RTF1: variants seen among roughly 807,000 people sequenced by gnomAD.
The protein encoded by RTF1 is RTF1 homolog, Paf1/RNA polymerase II complex component, also known as RNA polymerase-associated protein RTF1 homolog.
In RTF1, 10 loss-of-function variants were observed where a neutral mutation model predicts 95.7. The ratio of observed to expected loss-of-function variants is 0.10; its 90% CI spans 0.06 to 0.18. The LOEUF (loss-of-function observed/expected upper bound fraction) is 0.18. RTF1 is among the 10% of genes least tolerant of loss of function. RTF1 has a pLI of 1.00. For synonymous variants in RTF1, 305 were observed against 311.8 expected, an observed-to-expected ratio of 0.98 and a Z score of 0.23; for missense variants, 458 against 875.6, an observed-to-expected ratio of 0.52 and a Z score of 6.02.
At position 41,417,233 on chromosome 15, in the gene RTF1, A is replaced by C; in HGVS notation, c.118A>C (p.Thr40Pro). Reference sequence around the variant, plus strand: ...CGGCCGGCGTGGGAGCCGGGGGACCACCATGGTAAAGAAGCGGAAAGGCCG... The same window carrying C: ...CGGCCGGCGTGGGAGCCGGGGGACCCCCATGGTAAAGAAGCGGAAAGGCCG... ...GGGRRGSRGT[T>P]MVKKRKGRVV... Residue 40 changes from threonine (T) to proline (P), a missense_variant, in exon 1 of 18, where the codon ACC (threonine) becomes CCC (proline). Around this residue, in one of 11 missense-constraint regions of RTF1, gnomAD observed 81 missense variants for 59.9 expected, o/e 1.35. Transcript: ENST00000389629. The C allele has an allele frequency of 8.0e-7, 1 of 1,255,360 alleles. No homozygotes were observed. 77.8% of individuals were successfully genotyped at this position (1,255,360 alleles called of 1,614,324 possible). A position where few individuals can be genotyped will look rare whatever the true frequency, so the allele number is the denominator to read the frequency against.
At chr15:41,477,104 A>G in intron 12 of RTF1, 61 bp from the exon 13 acceptor site, 3 of 1,608,968 alleles carry the variant, frequency 1.9e-6, no homozygotes, top group Non-Finnish European at 2.6e-6. Flanking sequence ...GTAAGGGGAT[A>G]CTTGATATGG....
chr15:41,433,507 G>A (rs777913762), intron 1 of RTF1, among the ~76,000 whole-genome samples: 4 of 151,584 alleles, frequency 2.6e-5, no homozygotes, highest in Non-Finnish European at 5.9e-5. Flanking sequence ...GCTGATTTTT[G>A]TATTTTTAGC....
chr15:41,474,507 T>C, intron 8 of RTF1, 113 bp from the exon 9 acceptor site: 1 of 782,510 alleles, frequency 1.3e-6, no homozygotes, highest in Non-Finnish European at 2.3e-6. Context: ...CTGTGGACTC[T>C]ACTCAGCACT....
At chr15:41,451,376 T>A (rs1757468) in intron 2 of RTF1, among the ~76,000 whole-genome samples, 33,573 of 152,130 alleles carry the variant, frequency 0.22, 4,015 homozygotes, top group Non-Finnish European at 0.26. Context: ...TATGGTTTAA[T>A]GTAACTAAAT....
intron 1 of RTF1, among the ~76,000 whole-genome samples, chr15:41,432,113 A>G (rs2050677991): frequency 6.8e-6 from 1 of 148,072 alleles, no homozygotes; most frequent in African/African-American, 2.5e-5. Flanking sequence ...TATTGTTAAT[A>G]TGGTATTTAA....
At chr15:41,474,151 A>G (rs1869239618) in intron 8 of RTF1, among the ~76,000 whole-genome samples, 1 of 152,098 alleles carries the variant, frequency 6.6e-6, no homozygotes, top group Non-Finnish European at 1.5e-5. Context: ...TGCTGGAATT[A>G]CAGGCCTGAA....
At chr15:41,419,945 G>GT (rs1419985037) in intron 1 of RTF1, among the ~76,000 whole-genome samples, 7 of 151,978 alleles carry the variant, frequency 4.6e-5, no homozygotes, top group Admixed American at 4.6e-4. Flanking sequence ...TCAGCCTCCC[G>GT]TGTAGCTGGG....
In RTF1 at chr15:41,478,055, G is replaced by A. The variant is rs1223209985; in HGVS notation, c.1741-493G>A. 9.2e-5 allele frequency among the ~76,000 whole-genome samples: 14 copies of A among 151,798 alleles called. 1 individual carries two copies. The highest frequency in any genetic ancestry group is 9.2e-4 in the Admixed American group (14 of 15,202). On this transcript the variant is annotated intron_variant, in intron 14 of 17. Coordinates refer to ENST00000389629, the MANE Select transcript of RTF1 (RefSeq NM_015138.5). ...TGGGATGTGGAGATTGCAGTGAGCT[G>A]TCGTGCCACTGCACTTTAGCCTGGG... is the stretch of plus-strand genomic sequence containing the variant.
intron 2 of RTF1, among the ~76,000 whole-genome samples, chr15:41,446,051 CTT>C (rs1278928652): frequency 1.3e-5 from 2 of 152,076 alleles, no homozygotes; most frequent in South Asian, 2.1e-4. Flanking sequence ...TCCTCTGACT[CTT>C]TTTTTATTTT....
At position 41,438,043 on chromosome 15, in the gene RTF1, G is replaced by T. The variant is rs2050713895; in HGVS notation, c.199-278G>T. Among the ~76,000 whole-genome samples, 3 of 152,204 alleles carry T rather than the reference G, an allele frequency of 2.0e-5. No homozygotes were observed. The East Asian group carries it at 5.8e-4, about 29-fold the overall frequency. ...CTTCTGTTGTTTAGGGTAGAATCAG[G>T]AACAGTTTGGGGATAGCCTCCAGTT... On this transcript the variant is annotated intron_variant, in intron 1 of 17. Transcript: ENST00000389629.
chr15:41,467,477 G>A lies in RTF1; in HGVS notation c.889+1225G>A, dbSNP rs140737578. Among the ~76,000 whole-genome samples the A allele has an allele frequency of 1.2e-3, 178 of 152,280 alleles. No homozygotes were observed. In the East Asian group the frequency reaches 0.019, roughly 16 times the overall value. On this transcript the variant is annotated intron_variant, in intron 6 of 17. Coordinates refer to ENST00000389629, the MANE Select transcript of RTF1 (RefSeq NM_015138.5). ...CAATTGTAATCCTAGCACTTTGGGA[G>A]GCCAAGGTGGGCGGATCACCTGAGG... is the stretch of plus-strand genomic sequence containing the variant.
intron 13 of RTF1, 28 bp downstream of exon 13, chr15:41,477,314 G>T: frequency 1.2e-6 from 2 of 1,614,016 alleles, no homozygotes; most frequent in Non-Finnish European, 1.7e-6. Context: ...TTTTTGGCCC[G>T]CAGACCTTGG....
chr15:41,450,936 A>C (rs2050786873), intron 2 of RTF1, among the ~76,000 whole-genome samples: 1 of 152,032 alleles, frequency 6.6e-6, no homozygotes. Context: ...CTGGGTGACA[A>C]ACGAGACCCT....
chr15:41,461,997 C>T (rs1316117348), intron 4 of RTF1, among the ~76,000 whole-genome samples: 3 of 149,670 alleles, frequency 2.0e-5, no homozygotes, highest in African/African-American at 4.9e-5. Flanking sequence ...TCAAGCAATT[C>T]GTCCACCTCG....
At chr15:41,439,100 T>C (rs2050719828) in intron 2 of RTF1, among the ~76,000 whole-genome samples, 1 of 151,428 alleles carries the variant, frequency 6.6e-6, no homozygotes, top group Non-Finnish European at 1.5e-5. Flanking sequence ...GGTGTGATCT[T>C]GGCTCACTGC....
Position 41,438,349 on chromosome 15 carries a change from G to A in RTF1, c.227G>A (p.Arg76His). ...CTCTTGTCCCTGGCAAAGCGAAAGCGCAGTGACTCTGAGGAGAAGGAGCCG... is the reference window on the plus strand; with the variant it reads ...CTCTTGTCCCTGGCAAAGCGAAAGCACAGTGACTCTGAGGAGAAGGAGCCG... ...QELLSLAKRK[R>H]SDSEEKEPPV... Residue 76 changes from arginine (R) to histidine (H), a missense_variant, in exon 2 of 18, where the codon CGC (arginine) becomes CAC (histidine). Physicochemically the swap from Arg to His is conservative, Grantham distance 29. This residue lies in a region of RTF1 where 44 missense variants were observed against 99.5 expected (regional missense o/e 0.44). Transcript: ENST00000389629. The A allele has an allele frequency of 6.4e-7, 1 of 1,550,802 alleles. No homozygotes were observed. The highest frequency in any genetic ancestry group is 8.7e-7 in the Non-Finnish European group (1 of 1,146,318).
intron 1 of RTF1, among the ~76,000 whole-genome samples, chr15:41,438,005 C>G (rs772184443): frequency 2.6e-5 from 4 of 152,148 alleles, no homozygotes; most frequent in East Asian, 1.9e-4. Flanking sequence ...TTACCAGTCC[C>G]AGAGAATCAG....
chr15:41,475,476 T>C (rs772230361), intron 9 of RTF1, 49 bp from the exon 10 acceptor site: 38 of 1,486,450 alleles, frequency 2.6e-5, no homozygotes, highest in Middle Eastern at 1.7e-4. Context: ...TTGCTTGTAC[T>C]ACAGTCAACA....
At chr15:41,479,950 A>C (rs2140659324) in intron 16 of RTF1, among the ~76,000 whole-genome samples, 1 of 151,900 alleles carries the variant, frequency 6.6e-6, no homozygotes, top group South Asian at 2.1e-4. Flanking sequence ...CTGAAATCTT[A>C]GGTCAGGAAG....
Sources: allele counts gnomAD v4.1 joint callset (sites outside exome capture counted in the v4.1 genomes callset), GRCh38; gene constraint gnomAD v4.1.1; regional missense constraint gnomAD v4.1.1; transcripts MANE v1.5; gene names NCBI Gene and HGNC (gene_info 2026-07-23, HGNC 2026-07-21).